Variants in PCDHGA3 observed in about 807,000 individuals in gnomAD.
PCDHGA3 encodes protocadherin gamma subfamily A, 3.
PCDHGA3 carries 40 observed loss-of-function variants against 58.5 expected under a neutral mutation model. The ratio of observed to expected loss-of-function variants is 0.68; its 90% CI spans 0.53 to 0.89. The LOEUF (loss-of-function observed/expected upper bound fraction) is 0.89, where lower values mean the gene tolerates loss of function less well. PCDHGA3 is among the 40% of genes least tolerant of loss of function. The pLI is 0.00. For synonymous variants in PCDHGA3, 530 were observed against 525.7 expected (o/e 1.01, Z -0.11); for missense variants, 1,223 against 1,195.9 (o/e 1.02, Z -0.33).
At chr5:141,382,824 A>T in intron 1 of PCDHGA3, 4 of 1,326,118 alleles carry the variant, frequency 3.0e-6, no homozygotes, top group Non-Finnish European at 4.1e-6. Context: ...CCTAAGACAG[A>T]GGGGTCCACC....
At chr5:141,352,678 C>T in intron 1 of PCDHGA3, 1 of 1,570,902 alleles carries the variant, frequency 6.4e-7, no homozygotes, top group African/African-American at 1.4e-5. Flanking sequence ...ACGTGAGTTT[C>T]TGCAAATCTA....
intron 1 of PCDHGA3, chr5:141,400,372 A>G: frequency 6.2e-7 from 1 of 1,613,980 alleles, no homozygotes; most frequent in Non-Finnish European, 8.5e-7. Flanking sequence ...TTATTCCTAC[A>G]ACCTATGTGT....
Position 141,511,132 on chromosome 5 carries a change from A to G in PCDHGA3, c.2758A>G (p.Asn920Asp). The change falls in exon 4 of 4, where the codon AAT (asparagine) becomes GAT (aspartate). Residue 920 changes from asparagine to aspartate, a missense_variant. Around this residue, in one of 3 missense-constraint regions of PCDHGA3, gnomAD observed 325 missense variants for 327.5 expected, o/e 0.99. Coordinates refer to ENST00000253812, the MANE Select transcript of PCDHGA3 (RefSeq NM_018916.4). ...GGATGGCAAGGCCCCAGCAGGTGGC[A>G]ATGGCAACAAGAAGAAGTCGGGCAA... ...KRDGKAPAGG[N>D]GNKKKSGKKE... is the part of the protein sequence containing the mutation. The G allele has an allele frequency of 6.2e-7, 1 of 1,614,218 alleles. No individual in the cohort carries two copies. Among genetic ancestry groups the G allele is most frequent in the Non-Finnish European group, 8.5e-7 (1 of 1,180,018 alleles).
At chr5:141,369,551 T>G (rs1335245789) in intron 1 of PCDHGA3, among the ~76,000 whole-genome samples, 1 of 152,156 alleles carries the variant, frequency 6.6e-6, no homozygotes, top group Non-Finnish European at 1.5e-5. Context: ...AAGTAGACAC[T>G]TGGAAACAAA....
rs200798114 is a variant in PCDHGA3, at chr5:141,344,795, C to A, written c.762C>A (p.Asn254Lys). Reference protein sequence around the residue: ...QPEYRVSVWENVPVGTRLLTV... With the variant: ...QPEYRVSVWEKVPVGTRLLTV... ...AGTACCGTGTGAGTGTTTGGGAGAACGTGCCTGTGGGTACCCGGCTGCTCA... is the reference window on the plus strand; with the variant it reads ...AGTACCGTGTGAGTGTTTGGGAGAAAGTGCCTGTGGGTACCCGGCTGCTCA... Residue 254 changes from asparagine (N) to lysine (K), a missense_variant, in exon 1 of 4, where the codon AAC becomes AAA. Coordinates refer to ENST00000253812, the MANE Select transcript of PCDHGA3 (RefSeq NM_018916.4). 3.7e-6 allele frequency: 6 copies of A among 1,613,938 alleles called. No homozygotes were observed. Among genetic ancestry groups the A allele is most frequent in the East Asian group, 2.2e-5 (1 of 44,882 alleles).
intron 2 of PCDHGA3, among the ~76,000 whole-genome samples, chr5:141,501,049 A>G (rs1458722311): frequency 1.3e-5 from 2 of 151,844 alleles, no homozygotes; most frequent in African/African-American, 2.4e-5. Flanking sequence ...TTGTATTTTT[A>G]GTAGAGACGG....
chr5:141,480,414 CAA>C (rs10712552), intron 1 of PCDHGA3, among the ~76,000 whole-genome samples: 346 of 147,498 alleles, frequency 2.3e-3, no homozygotes, highest in African/African-American at 8.3e-3. Flanking sequence ...GACCCTGTCT[CAA>C]AAAAAAAAAT....
rs1412247634 is a variant in PCDHGA3, at chr5:141,391,586, A to AAT, written c.2424+45133_2424+45134dup. 2.0e-5 allele frequency: 3 copies of AAT among 152,352 alleles called. No homozygotes were observed. In the South Asian group the frequency reaches 6.2e-4, roughly 32 times the overall value. The allele number at this position is 152,352 out of a possible 1,614,324, so 9.4% of individuals were successfully genotyped here. ...GCATAAGAAAATATATTCACAGGAA[A>AAT]ATATAAAGTTTTCAGATTTCATGAG... On this transcript the variant is annotated intron_variant, in intron 1 of 3. Coordinates refer to ENST00000253812, the MANE Select transcript of PCDHGA3 (RefSeq NM_018916.4).
At chr5:141,375,942 G>T in intron 1 of PCDHGA3, 4 of 1,613,518 alleles carry the variant, frequency 2.5e-6, no homozygotes, top group Non-Finnish European at 2.5e-6. Flanking sequence ...TTCTCAGTGG[G>T]CCTGCACACG....
rs1486545769 is a variant in PCDHGA3 at position 141,431,780 on chromosome 5, A to T, written c.2425-63027A>T. On this transcript the variant is annotated intron_variant, in intron 1 of 3. Coordinates refer to ENST00000253812, the MANE Select transcript of PCDHGA3 (RefSeq NM_018916.4). This position sits in a 1 kb window ranked among gnomAD's most constrained non-coding sequence, Gnocchi z 4.8. The stretch of plus-strand genomic sequence containing the variant: ...AGTCCTGATCACTGTTCTGGACGTG[A>T]ACGACAATGCCCCAGAAGTGGTCCT... 4 of 1,614,086 alleles carry T rather than the reference A, an allele frequency of 2.5e-6. No homozygotes were observed. The highest frequency in any genetic ancestry group is 3.4e-6 in the Non-Finnish European group (4 of 1,180,028).
intron 1 of PCDHGA3, chr5:141,382,975 G>A (rs1459980689): frequency 6.2e-7 from 1 of 1,610,700 alleles, no homozygotes. Flanking sequence ...CCCCTGGGAA[G>A]CCTGGGCAGG....
intron 1 of PCDHGA3, among the ~76,000 whole-genome samples, chr5:141,469,172 A>C (rs1310781965): frequency 6.6e-6 from 1 of 152,050 alleles, no homozygotes; most frequent in Admixed American, 6.6e-5. Context: ...GCTACTTGGG[A>C]GGCTGAGGCA....
chr5:141,351,134 C>T (rs867124359), intron 1 of PCDHGA3: 1 of 1,614,022 alleles, frequency 6.2e-7, no homozygotes, highest in South Asian at 1.1e-5. Context: ...CAATCTCAAT[C>T]CAAATACTGG....
At chr5:141,394,399 A>C in intron 1 of PCDHGA3, 3 of 1,614,206 alleles carry the variant, frequency 1.9e-6, no homozygotes, top group Non-Finnish European at 2.5e-6. Context: ...CGAGACCTGC[A>C]GCTACTGGTA....
chr5:141,485,826 G>A lies in PCDHGA3; in HGVS notation c.2425-8981G>A. The A allele has an allele frequency of 6.2e-7, 1 of 1,614,070 alleles. No individual in the cohort carries two copies. Among genetic ancestry groups the A allele is most frequent in the South Asian group, 1.1e-5 (1 of 91,078 alleles). Reference sequence around the variant, plus strand: ...CTGGTGCTGACTGCTGTCGATGGAGGGAACCCGCCGAGATCTGGCACCGCA... The same window carrying A: ...CTGGTGCTGACTGCTGTCGATGGAGAGAACCCGCCGAGATCTGGCACCGCA... On this transcript the variant is annotated intron_variant, in intron 1 of 3. Transcript: ENST00000253812. The surrounding 1 kb of genome is among the most constrained non-coding windows in gnomAD (Gnocchi z 5.7).
At chr5:141,350,208 T>C (rs1030085147) in intron 1 of PCDHGA3, 11 of 1,477,052 alleles carry the variant, frequency 7.4e-6, no homozygotes, top group Non-Finnish European at 9.0e-6. Flanking sequence ...GGTGCTGCCA[T>C]TTCTTTTTGA....
At chr5:141,387,955 T>C in intron 1 of PCDHGA3, 1 of 1,493,874 alleles carries the variant, frequency 6.7e-7, no homozygotes. Flanking sequence ...CTGCTGTCTT[T>C]GTTCTGCCCG....
In PCDHGA3 at chr5:141,360,561, T is replaced by C. The variant is rs1479698668; in HGVS notation, c.2424+14104T>C. 4 of 1,613,992 alleles carry C rather than the reference T, an allele frequency of 2.5e-6. No homozygotes were observed. The African/African-American group carries it at 5.3e-5, about 21-fold the overall frequency. ...AACAGACTAAGATTAATTTAAAAAT[T>C]GGCGAATCCACTAAGCCAGGTACAA... On this transcript the variant is annotated intron_variant, in intron 1 of 3. Transcript: ENST00000253812.
chr5:141,505,779 T>G (rs1420143439), intron 3 of PCDHGA3, among the ~76,000 whole-genome samples: 1 of 139,496 alleles, frequency 7.2e-6, no homozygotes, highest in Non-Finnish European at 1.6e-5. Flanking sequence ...GTCCTAGCTC[T>G]GCTACTATCC....
Sources: allele counts gnomAD v4.1 joint callset (sites outside exome capture counted in the v4.1 genomes callset), GRCh38; gene constraint gnomAD v4.1.1; regional missense constraint gnomAD v4.1.1; non-coding constraint Gnocchi (gnomAD v3.1); transcripts MANE v1.5; gene names NCBI Gene and HGNC (gene_info 2026-07-23, HGNC 2026-07-21).